VAV2: variants seen among roughly 807,000 people sequenced by gnomAD.
VAV2 encodes the protein vav guanine nucleotide exchange factor 2.
In VAV2, 67 loss-of-function variants were observed where a neutral mutation model predicts 132.5. That is an observed-to-expected ratio of 0.51 (90% CI 0.42 to 0.62). The LOEUF is 0.62. Among genes scored for constraint, VAV2 ranks in the 20% least tolerant of loss-of-function variants. VAV2 has a pLI of 0.00. For missense variants in VAV2, 938 were observed against 1,153.6 expected (o/e 0.81, Z 2.71); for synonymous variants, 492 against 443.5 (o/e 1.11, Z -1.37).
intron 4 of VAV2, among the ~76,000 whole-genome samples, chr9:133,830,828 T>C (rs1564387964): frequency 6.6e-6 from 1 of 152,134 alleles, no homozygotes; most frequent in Non-Finnish European, 1.5e-5. Flanking sequence ...ATAGGAAATC[T>C]TGCCTTTCAG....
chr9:133,992,260 A>G lies in VAV2; in HGVS notation c.19T>C (p.Cys7Arg). 6.4e-7 allele frequency: 1 copy of G among 1,563,506 alleles called. No individual in the cohort carries two copies. Among genetic ancestry groups the G allele is most frequent in the African/African-American group, 1.4e-5 (1 of 71,770 alleles). The stretch of plus-strand genomic sequence containing the variant: ...TTGCAATCGATGAGCCAGCGGCCGC[A>G]CTGCCGCCACTGCTCCATGGCGCCC... MEQWRQCGRWLIDCKVL... is the reference protein window; with the variant it reads MEQWRQRGRWLIDCKVL... Residue 7 changes from cysteine (C) to arginine (R), a missense_variant, in exon 1 of 30, where the codon TGC becomes CGC. Coordinates refer to ENST00000371850, the MANE Select transcript of VAV2 (RefSeq NM_001134398.2). The surrounding 1 kb of genome is among the most constrained non-coding windows in gnomAD (Gnocchi z 5.5).
At chr9:133,881,931 C>A (rs1338678264) in intron 2 of VAV2, among the ~76,000 whole-genome samples, 5 of 152,152 alleles carry the variant, frequency 3.3e-5, no homozygotes, top group Non-Finnish European at 1.5e-5. Flanking sequence ...GGCACAGGAT[C>A]CCAGCATGAC....
intron 2 of VAV2, among the ~76,000 whole-genome samples, chr9:133,887,869 C>T (rs1326435516): frequency 6.6e-6 from 1 of 152,022 alleles, no homozygotes; most frequent in Non-Finnish European, 1.5e-5. Flanking sequence ...GGCCAGCCTC[C>T]TCACCACCAG....
chr9:133,927,647 C>CCCCAGATCCT (rs1292391917), intron 2 of VAV2: 3 of 152,568 alleles, frequency 2.0e-5, no homozygotes, highest in Admixed American at 6.5e-5. Context: ...TCCAAGCGGC[C>CCCCAGATCCT]CCCAGATCCT....
chr9:133,797,985 G>A (rs1270599151), intron 9 of VAV2, among the ~76,000 whole-genome samples, 176 bp from the exon 10 acceptor site: 2 of 152,156 alleles, frequency 1.3e-5, no homozygotes, highest in African/African-American at 2.4e-5. Flanking sequence ...TCCCCTTCCC[G>A]AAGCTACCGG....
chr9:133,779,414 G>A (rs2131588662), intron 21 of VAV2, among the ~76,000 whole-genome samples: 1 of 152,140 alleles, frequency 6.6e-6, no homozygotes, highest in South Asian at 2.1e-4. Context: ...GCTCCCGCCT[G>A]GCCCAGCAGC....
At chr9:133,982,168 G>C (rs1842715040) in intron 1 of VAV2, among the ~76,000 whole-genome samples, 1 of 152,188 alleles carries the variant, frequency 6.6e-6, no homozygotes, top group Non-Finnish European at 1.5e-5. Flanking sequence ...CCCCTCCAGG[G>C]AACTGCAGGG....
chr9:133,924,776 T>C (rs530600497), intron 2 of VAV2, among the ~76,000 whole-genome samples: 18 of 152,332 alleles, frequency 1.2e-4, no homozygotes, highest in Admixed American at 2.6e-4. Context: ...CAGGACTAAA[T>C]GACCATGAAT....
At chr9:133,964,155 C>T (rs1842071542) in intron 1 of VAV2, among the ~76,000 whole-genome samples, 1 of 149,286 alleles carries the variant, frequency 6.7e-6, no homozygotes, top group Admixed American at 6.7e-5. Context: ...CCCAGGAGTT[C>T]AAGACCAGTC....
At chr9:133,851,086 G>A (rs1221411951) in intron 3 of VAV2, among the ~76,000 whole-genome samples, 1 of 152,224 alleles carries the variant, frequency 6.6e-6, no homozygotes, top group Non-Finnish European at 1.5e-5. Context: ...CACTTTCATG[G>A]ACAGTCATGC....
At chr9:133,871,475 T>C (rs1564423334) in intron 2 of VAV2, among the ~76,000 whole-genome samples, 14 of 96,612 alleles carry the variant, frequency 1.4e-4, no homozygotes, top group South Asian at 3.4e-4. Flanking sequence ...AGCGGATGGA[T>C]GGATGGATGG....
In VAV2 at chr9:133,763,849, G is replaced by T; in HGVS notation, c.*213C>A. 1.6e-6 allele frequency: 1 copy of T among 607,404 alleles called. No homozygotes were observed. The highest frequency in any genetic ancestry group is 2.9e-6 in the Non-Finnish European group (1 of 345,038). The allele number at this position is 607,404 out of a possible 1,614,324, so 37.6% of individuals were successfully genotyped here. On this transcript the variant is annotated 3_prime_UTR_variant, in exon 30 of 30. Transcript: ENST00000371850. This position sits in a 1 kb window ranked among gnomAD's most constrained non-coding sequence, Gnocchi z 6.8. ...TGGGGCTAGCCCAGGTTTCCTCTATGTACAATAGCATACCCAGTGATGGGT... is the reference window on the plus strand; with the variant it reads ...TGGGGCTAGCCCAGGTTTCCTCTATTTACAATAGCATACCCAGTGATGGGT...
intron 1 of VAV2, among the ~76,000 whole-genome samples, chr9:133,984,785 A>G (rs561459869): frequency 1.2e-3 from 190 of 152,156 alleles, no homozygotes; most frequent in African/African-American, 4.4e-3. Flanking sequence ...GCAAAAGCCT[A>G]TAGTCCCAGC....
intron 1 of VAV2, among the ~76,000 whole-genome samples, chr9:133,978,906 C>T (rs1238404218): frequency 1.3e-5 from 2 of 152,246 alleles, no homozygotes. Context: ...GACCAAAAAC[C>T]GGGCACCTGA....
At chr9:133,838,037 G>C (rs1836539002) in intron 3 of VAV2, among the ~76,000 whole-genome samples, 1 of 152,184 alleles carries the variant, frequency 6.6e-6, no homozygotes, top group African/African-American at 2.4e-5. Flanking sequence ...CAGCCTGTCA[G>C]GGACCGTGCA....
At chr9:133,972,496 C>G (rs1564515242) in intron 1 of VAV2, among the ~76,000 whole-genome samples, 1 of 152,194 alleles carries the variant, frequency 6.6e-6, no homozygotes, top group Non-Finnish European at 1.5e-5. Context: ...AAGGCAAACA[C>G]TCTTTGCCGC....
chr9:133,943,126 T>G (rs2132150816), intron 1 of VAV2, among the ~76,000 whole-genome samples: 1 of 152,366 alleles, frequency 6.6e-6, no homozygotes, highest in South Asian at 2.1e-4. Flanking sequence ...AAAGGCCCTC[T>G]GAGAGGACGG....
chr9:133,828,835 C>A (rs1041582606), intron 4 of VAV2, among the ~76,000 whole-genome samples: 7 of 152,378 alleles, frequency 4.6e-5, no homozygotes, highest in African/African-American at 1.7e-4. Flanking sequence ...TCCAGCCTCG[C>A]CTTCCACACC....
At chr9:133,907,756 C>CA (rs1839715103) in intron 2 of VAV2, among the ~76,000 whole-genome samples, 1 of 152,244 alleles carries the variant, frequency 6.6e-6, no homozygotes, top group Non-Finnish European at 1.5e-5. Context: ...AGTTTTGAAA[C>CA]AACCAGGCTG....
Sources: gnomAD v4.1 joint callset for allele counts (sites outside exome capture counted in the v4.1 genomes callset) on GRCh38, gnomAD v4.1.1 for gene constraint, Gnocchi (gnomAD v3.1) non-coding constraint, MANE v1.5 for transcripts, NCBI Gene and HGNC (gene_info 2026-07-23, HGNC 2026-07-21) for gene names.